The following WASHC5 variants were observed in gnomAD, a reference collection of about 807,000 sequenced individuals.
The protein encoded by WASHC5 is WASH complex subunit strumpellin.
Under a neutral mutation model 150.4 loss-of-function variants are expected in WASHC5, and 101 were observed. The ratio of observed to expected loss-of-function variants is 0.67; its 90% CI spans 0.57 to 0.79. The LOEUF (loss-of-function observed/expected upper bound fraction) is 0.79. Among genes scored for constraint, WASHC5 ranks in the 30% least tolerant of loss-of-function variants. The pLI, the probability that WASHC5 is intolerant of heterozygous loss-of-function variation, is 0.00. For synonymous variants in WASHC5, 467 were observed against 491.2 expected (o/e 0.95, Z 0.65); for missense variants, 1,195 against 1,396.3 (o/e 0.86, Z 2.30).
rs2272728 is a variant in WASHC5 at position 125,063,506 on chromosome 8, C to T, written c.1408+16G>A. On this transcript the variant is annotated intron_variant, in intron 11 of 28. Coordinates refer to ENST00000318410, the MANE Select transcript of WASHC5 (RefSeq NM_014846.4). The stretch of plus-strand genomic sequence containing the variant: ...ACACATTCCAAACACACCAGTATTT[C>T]CTCTTCAGTAATTACCATTTTTCTC... 1 of 1,612,950 alleles carries T rather than the reference C, an allele frequency of 6.2e-7. No homozygotes were observed. Among genetic ancestry groups the T allele is most frequent in the Non-Finnish European group, 8.5e-7 (1 of 1,179,082 alleles).
chr8:125,083,756 T>C lies in WASHC5; in HGVS notation c.143A>G (p.Gln48Arg), dbSNP rs1357562835. ...AAATATGATATCTCCATATTTCTGT[T>C]GATCAGCTCTGTCTTTTAACCTGAA... is the stretch of plus-strand genomic sequence containing the variant. ...AVFRLKDRAD[Q>R]QKYGDIIFDF... The change falls in exon 2 of 29, where the codon CAA becomes CGA. Residue 48 changes from glutamine (Q) to arginine (R), a missense_variant. Around this residue, in one of 3 missense-constraint regions of WASHC5, gnomAD observed 195 missense variants for 206.9 expected, o/e 0.94. Transcript: ENST00000318410. The C allele has an allele frequency of 6.8e-6, 11 of 1,613,722 alleles. No homozygotes were observed. Among genetic ancestry groups the C allele is most frequent in the Admixed American group, 1.7e-5 (1 of 59,974 alleles).
intron 4 of WASHC5, 97 bp from the exon 5 acceptor site, chr8:125,081,858 C>T: frequency 1.3e-6 from 1 of 782,304 alleles, no homozygotes. Flanking sequence ...GCTCACACTT[C>T]TTCAAAAAGT....
chr8:125,055,192 G>A (rs868822566), intron 17 of WASHC5, among the ~76,000 whole-genome samples: 1 of 152,152 alleles, frequency 6.6e-6, no homozygotes, highest in Non-Finnish European at 1.5e-5. Flanking sequence ...GAAAGGCCAC[G>A]ACAGATGGAT....
intron 20 of WASHC5, 150 bp from the exon 21 acceptor site, chr8:125,044,848 C>T (rs942084683): frequency 1.1e-5 from 9 of 810,740 alleles, no homozygotes; most frequent in East Asian, 5.0e-5. Context: ...GCACCCAATG[C>T]GTCTTCCCAG....
intron 17 of WASHC5, among the ~76,000 whole-genome samples, chr8:125,055,053 A>C (rs1372831491): frequency 1.3e-5 from 2 of 152,134 alleles, no homozygotes; most frequent in African/African-American, 4.8e-5. Flanking sequence ...GCAGAACTAC[A>C]AGATAAAGAA....
chr8:125,038,022 C>G (rs991148182), intron 25 of WASHC5, among the ~76,000 whole-genome samples: 1 of 152,040 alleles, frequency 6.6e-6, no homozygotes, highest in Admixed American at 6.6e-5. Context: ...CTCTGAGCCT[C>G]GGGTTCCTCA....
chr8:125,073,036 C>T, intron 9 of WASHC5, 117 bp downstream of exon 9: 1 of 1,116,248 alleles, frequency 9.0e-7, no homozygotes, highest in Non-Finnish European at 1.4e-6. Context: ...TAAAAAGCAA[C>T]TTGATTCTCA....
chr8:125,061,763 A>G (rs1020828252), intron 11 of WASHC5, among the ~76,000 whole-genome samples: 7 of 152,222 alleles, frequency 4.6e-5, no homozygotes, highest in Non-Finnish European at 1.0e-4. Flanking sequence ...CAGTAGAGAA[A>G]GAGAAGGGTG....
At chr8:125,073,103 G>A in intron 9 of WASHC5, 50 bp downstream of exon 9, 1 of 1,576,472 alleles carries the variant, frequency 6.3e-7, no homozygotes, top group Non-Finnish European at 8.7e-7. Context: ...TCCTGATTCT[G>A]AGAGTCTTTA....
chr8:125,041,037 C>T (rs1815868934), intron 23 of WASHC5, among the ~76,000 whole-genome samples: 1 of 152,162 alleles, frequency 6.6e-6, no homozygotes, highest in African/African-American at 2.4e-5. Flanking sequence ...GTATTAACTA[C>T]AGTACTTTAA....
At chr8:125,032,705 G>A in intron 26 of WASHC5, 3 of 369,046 alleles carry the variant, frequency 8.1e-6, no homozygotes, top group Non-Finnish European at 1.0e-5. Flanking sequence ...AAATGTAAAT[G>A]AGAAAAAAAA....
At chr8:125,057,157 T>C (rs1280591207) in intron 15 of WASHC5, among the ~76,000 whole-genome samples, 2 of 152,218 alleles carry the variant, frequency 1.3e-5, no homozygotes, top group Non-Finnish European at 2.9e-5. Flanking sequence ...TCTGGCTCCA[T>C]GCTCCATCAG....
chr8:125,024,689 A>G lies in WASHC5; in HGVS notation c.3424-16T>C. On this transcript the variant is annotated splice_polypyrimidine_tract_variant and intron_variant, in intron 28 of 28. Coordinates refer to ENST00000318410, the MANE Select transcript of WASHC5 (RefSeq NM_014846.4). The stretch of plus-strand genomic sequence containing the variant: ...CTTCAGCAACCTGAAAAATTAAAGA[A>G]TTAAATTATTCATGGTGTTATAGTT... 1 of 1,555,640 alleles carries G rather than the reference A, an allele frequency of 6.4e-7. No homozygotes were observed. The highest frequency in any genetic ancestry group is 8.9e-7 in the Non-Finnish European group (1 of 1,127,036).
At chr8:125,069,101 G>A (rs1272467744) in intron 9 of WASHC5, among the ~76,000 whole-genome samples, 1 of 152,204 alleles carries the variant, frequency 6.6e-6, no homozygotes, top group Non-Finnish European at 1.5e-5. Context: ...CCCTTGGCAG[G>A]CAATTGTGTT....
At chr8:125,037,184 A>G in intron 26 of WASHC5, 53 bp downstream of exon 26, 2 of 1,001,134 alleles carry the variant, frequency 2.0e-6, no homozygotes, top group South Asian at 2.6e-5. Context: ...ATTTAGTTAA[A>G]TGTTAATCTG....
chr8:125,067,491 T>G (rs1816776938), intron 10 of WASHC5, 101 bp downstream of exon 10: 4 of 1,011,470 alleles, frequency 4.0e-6, no homozygotes, highest in Non-Finnish European at 6.1e-6. Flanking sequence ...ATCTGTACCT[T>G]GAATCAGAGA....
intron 21 of WASHC5, 194 bp downstream of exon 21, chr8:125,044,342 C>A: frequency 1.4e-6 from 1 of 692,606 alleles, no homozygotes; most frequent in Non-Finnish European, 2.5e-6. Context: ...ACAGTCTAAT[C>A]CTAAAAGTAC....
Position 125,055,605 on chromosome 8 carries a change from C to T in WASHC5, c.2083G>A (p.Val695Ile). The T allele has an allele frequency of 1.2e-6, 2 of 1,610,882 alleles. No individual in the cohort carries two copies. Among genetic ancestry groups the T allele is most frequent in the South Asian group, 1.1e-5 (1 of 91,014 alleles). The change falls in exon 17 of 29, where the codon GTT (valine) becomes ATT (isoleucine). Residue 695 changes from valine to isoleucine, a missense_variant. Physicochemically the swap from Val to Ile is conservative, Grantham distance 29 (BLOSUM62 3). Transcript: ENST00000318410. The part of the protein sequence containing the change: ...EGILMMKTTL[V>I]GIIKVDPKQL... The stretch of plus-strand genomic sequence containing the variant: ...AAAACTGTTACCTTGATGATGCCAA[C>T]CAAAGTCGTTTTCATCATTAAGATG...
intron 23 of WASHC5, among the ~76,000 whole-genome samples, chr8:125,042,014 C>G (rs1280034523): frequency 3.9e-5 from 6 of 152,122 alleles, no homozygotes; most frequent in African/African-American, 1.4e-4. Flanking sequence ...CAATCTAGAA[C>G]TGGAAATAGA....
Sources: gnomAD v4.1 joint callset for allele counts (sites outside exome capture counted in the v4.1 genomes callset) on GRCh38, gnomAD v4.1.1 for gene constraint, gnomAD v4.1.1 regional missense constraint, MANE v1.5 for transcripts, NCBI Gene and HGNC (gene_info 2026-07-23, HGNC 2026-07-21) for gene names.